The following RAPGEF2 variants were observed in gnomAD, a reference collection of about 807,000 sequenced individuals.
The protein encoded by RAPGEF2 is Rap guanine nucleotide exchange factor 2, also known as PDZ domain containing guanine nucleotide exchange factor (GEF) 1.
In RAPGEF2, 54 loss-of-function variants were observed where a neutral mutation model predicts 186.7. The ratio of observed to expected loss-of-function variants is 0.29; its 90% CI spans 0.23 to 0.36. The LOEUF (loss-of-function observed/expected upper bound fraction) is 0.36, where lower values mean the gene tolerates loss of function less well. Ranked by LOEUF, RAPGEF2 falls within the 10% of genes least tolerant of loss-of-function variation. The pLI, the probability that RAPGEF2 is intolerant of heterozygous loss-of-function variation, is 1.00. For synonymous variants in RAPGEF2, 712 were observed against 705.9 expected, an observed-to-expected ratio of 1.01 and a Z score of -0.14; for missense variants, 1,532 against 2,045.0, an observed-to-expected ratio of 0.75 and a Z score of 4.84.
chr4:159,316,659 A>G (rs1487686449), intron 9 of RAPGEF2, among the ~76,000 whole-genome samples: 1 of 152,072 alleles, frequency 6.6e-6, no homozygotes. Flanking sequence ...TGTTCTTTTT[A>G]TGGCTGTATT....
chr4:159,217,467 GTTGCTGCATAGGACA>G (rs1751094913), intron 4 of RAPGEF2, among the ~76,000 whole-genome samples: 1 of 152,166 alleles, frequency 6.6e-6, no homozygotes, highest in African/African-American at 2.4e-5. Flanking sequence ...CTCCATCCAT[GTTGCTGCATAGGACA>G]TGATTCCATT....
chr4:159,239,871 T>C (rs1753751567), intron 5 of RAPGEF2, among the ~76,000 whole-genome samples: 1 of 152,194 alleles, frequency 6.6e-6, no homozygotes, highest in South Asian at 2.1e-4. Flanking sequence ...TAAACAATTC[T>C]AGGTCTCTTT....
intron 26 of RAPGEF2, among the ~76,000 whole-genome samples, chr4:159,352,176 C>T (rs888927633): frequency 1.3e-5 from 2 of 152,270 alleles, no homozygotes; most frequent in Admixed American, 6.5e-5. Context: ...AATTCAAAGA[C>T]ATCTTCAGGT....
chr4:159,125,606 A>C (rs1263668320), intron 1 of RAPGEF2, among the ~76,000 whole-genome samples: 1 of 151,870 alleles, frequency 6.6e-6, no homozygotes, highest in East Asian at 1.9e-4. Flanking sequence ...AAAATACAAA[A>C]ATTTAGCCGG....
rs1433942192 is a variant in RAPGEF2, at chr4:159,306,258, T to C, written c.675+1785T>C. 2.6e-5 allele frequency among the ~76,000 whole-genome samples: 4 copies of C among 152,268 alleles called. No individual in the cohort carries two copies. The South Asian group carries it at 8.3e-4, about 32-fold the overall frequency. On this transcript the variant is annotated intron_variant, in intron 8 of 29. Coordinates refer to ENST00000691494, the MANE Select transcript of RAPGEF2 (RefSeq NM_001394067.2). ...TAATGATATTAATTCTTTCAATCCA[T>C]GAGCATGGGATGTTTTCTCATTGTT...
chr4:159,227,582 G>A (rs1256397095), intron 4 of RAPGEF2, among the ~76,000 whole-genome samples: 1 of 152,208 alleles, frequency 6.6e-6, no homozygotes, highest in Non-Finnish European at 1.5e-5. Flanking sequence ...GTGCCACTGT[G>A]TAGACTGATA....
At chr4:159,307,103 A>G (rs2111068280) in intron 8 of RAPGEF2, among the ~76,000 whole-genome samples, 1 of 152,336 alleles carries the variant, frequency 6.6e-6, no homozygotes, top group South Asian at 2.1e-4. Context: ...AAGCAAAATA[A>G]CATTATTCTT....
chr4:159,318,546 T>C (rs1027335876), intron 9 of RAPGEF2, among the ~76,000 whole-genome samples: 2 of 152,190 alleles, frequency 1.3e-5, no homozygotes, highest in Non-Finnish European at 2.9e-5. Context: ...AAGAAAAAAA[T>C]TCCCTTTGGG....
chr4:159,227,516 C>A (rs1429705491), intron 4 of RAPGEF2, among the ~76,000 whole-genome samples: 1 of 152,158 alleles, frequency 6.6e-6, no homozygotes, highest in Non-Finnish European at 1.5e-5. Context: ...AACTTTTATA[C>A]AAACTGATCA....
chr4:159,198,397 TC>T lies in RAPGEF2; in HGVS notation c.197+5142del, dbSNP rs1275300703. Among the ~76,000 whole-genome samples the T allele has an allele frequency of 8.7e-4, 104 of 118,972 alleles. 1 individual carries two copies. Among genetic ancestry groups the T allele is most frequent in the Non-Finnish European group, 1.1e-3 (66 of 59,148 alleles). 78.1% of individuals were successfully genotyped at this position (118,972 alleles called of 152,430 possible). A position where few individuals can be genotyped will look rare whatever the true frequency, so the allele number is the denominator to read the frequency against. On this transcript the variant is annotated intron_variant, in intron 3 of 29. Coordinates refer to ENST00000691494, the MANE Select transcript of RAPGEF2 (RefSeq NM_001394067.2). ...TTTCTTTCCTTCCTTCCTTCCTTCCTCTCTCTTCCTCTCTTCCTCTCTCTCT... is the reference window on the plus strand; with the variant it reads ...TTTCTTTCCTTCCTTCCTTCCTTCCTTCTCTTCCTCTCTTCCTCTCTCTCT...
At chr4:159,331,391 C>T (rs746107523) in intron 13 of RAPGEF2, 40 bp from the exon 14 acceptor site, 12 of 1,263,692 alleles carry the variant, frequency 9.5e-6, no homozygotes, top group Non-Finnish European at 1.2e-5. Flanking sequence ...ACATTTTTGG[C>T]ACTAAAAAGG....
chr4:159,121,162 A>G (rs1418483875), intron 1 of RAPGEF2, among the ~76,000 whole-genome samples: 1 of 152,080 alleles, frequency 6.6e-6, no homozygotes, highest in Non-Finnish European at 1.5e-5. Context: ...CGATCTTTGA[A>G]GCTCATGCTC....
intron 4 of RAPGEF2, among the ~76,000 whole-genome samples, chr4:159,219,581 G>A (rs6536400): frequency 0.31 from 47,584 of 151,740 alleles, 7,901 homozygotes; most frequent in Non-Finnish European, 0.37. Context: ...GGTCTTGATC[G>A]CCTGACCTCA....
chr4:159,184,660 A>G (rs1230045409), intron 1 of RAPGEF2, among the ~76,000 whole-genome samples: 1 of 152,146 alleles, frequency 6.6e-6, no homozygotes, highest in Non-Finnish European at 1.5e-5. Context: ...TCGGATGAGT[A>G]GGTTGCAAAA....
chr4:159,292,464 A>G (rs543818037), intron 7 of RAPGEF2, among the ~76,000 whole-genome samples: 134 of 152,296 alleles, frequency 8.8e-4, no homozygotes, highest in Admixed American at 4.0e-3. Flanking sequence ...TTTTTAAATT[A>G]CCACTAAGTG....
chr4:159,226,892 A>T (rs961415631), intron 4 of RAPGEF2, among the ~76,000 whole-genome samples: 2 of 152,218 alleles, frequency 1.3e-5, no homozygotes, highest in Admixed American at 6.5e-5. Flanking sequence ...ATTCAGATGA[A>T]TTAAATCAAT....
intron 4 of RAPGEF2, among the ~76,000 whole-genome samples, chr4:159,220,953 G>A (rs1283756750): frequency 6.6e-6 from 1 of 152,126 alleles, no homozygotes; most frequent in Non-Finnish European, 1.5e-5. Flanking sequence ...TTTATTTAAT[G>A]TCAGGTTGAT....
intron 7 of RAPGEF2, among the ~76,000 whole-genome samples, chr4:159,247,790 T>G (rs1396408532): frequency 7.7e-6 from 1 of 129,478 alleles, no homozygotes; most frequent in Non-Finnish European, 1.6e-5. Context: ...TGAGGCAGAA[T>G]TTCACTCTTG....
At chr4:159,154,140 C>A (rs1743857283) in intron 1 of RAPGEF2, among the ~76,000 whole-genome samples, 1 of 152,086 alleles carries the variant, frequency 6.6e-6, no homozygotes, top group South Asian at 2.1e-4. Context: ...GATTCTATAA[C>A]CATTAATATT....
Sources: gnomAD v4.1 joint callset for allele counts (sites outside exome capture counted in the v4.1 genomes callset) on GRCh38, gnomAD v4.1.1 for gene constraint, MANE v1.5 for transcripts, NCBI Gene and HGNC (gene_info 2026-07-23, HGNC 2026-07-21) for gene names.